RBPMS2: variants seen among roughly 807,000 people sequenced by gnomAD.
The protein encoded by RBPMS2 is RNA-binding protein with multiple splicing 2.
RBPMS2 carries 14 observed loss-of-function variants against 25.7 expected under a neutral mutation model. The observed-to-expected ratio is 0.55, with a 90% CI of 0.36 to 0.85. The LOEUF (loss-of-function observed/expected upper bound fraction) is 0.85. Ranked by LOEUF, RBPMS2 falls within the 40% of genes least tolerant of loss-of-function variation. The pLI, the probability that RBPMS2 is intolerant of heterozygous loss-of-function variation, is 0.01. For missense variants in RBPMS2, 252 were observed against 283.4 expected, an observed-to-expected ratio of 0.89 and a Z score of 0.80; for synonymous variants, 127 against 115.6, an observed-to-expected ratio of 1.10 and a Z score of -0.63.
chr15:64,741,043 C>G (rs1264468619), intron 7 of RBPMS2, 43 bp from the exon 8 acceptor site: 2 of 661,280 alleles, frequency 3.0e-6, no homozygotes, highest in Non-Finnish European at 5.3e-6. Context: ...AGGCGTGGGA[C>G]TAGAGCTAAA....
intron 1 of RBPMS2, among the ~76,000 whole-genome samples, chr15:64,765,937 G>A (rs1014860908): frequency 7.3e-5 from 11 of 151,252 alleles, no homozygotes; most frequent in Non-Finnish European, 1.6e-4. Flanking sequence ...AGGTTGCAGT[G>A]AGCTAAGACT....
At chr15:64,761,145 G>A (rs879650735) in intron 1 of RBPMS2, 2 of 151,862 alleles carry the variant, frequency 1.3e-5, no homozygotes, top group African/African-American at 2.4e-5. Context: ...TTCAAGTAAC[G>A]AATGCACGTG....
intron 1 of RBPMS2, among the ~76,000 whole-genome samples, chr15:64,771,423 C>T (rs111858590): frequency 6.6e-6 from 1 of 152,176 alleles, no homozygotes; most frequent in South Asian, 2.1e-4. Flanking sequence ...TGGCTCACGT[C>T]TGTAATCTCA....
At chr15:64,765,924 C>T (rs759562747) in intron 1 of RBPMS2, among the ~76,000 whole-genome samples, 9 of 151,342 alleles carry the variant, frequency 5.9e-5, no homozygotes, top group East Asian at 2.0e-4. Context: ...ACCTGGGAGG[C>T]GGAGGTTGCA....
At chr15:64,771,373 T>C (rs765392252) in intron 1 of RBPMS2, among the ~76,000 whole-genome samples, 4 of 152,208 alleles carry the variant, frequency 2.6e-5, no homozygotes, top group African/African-American at 4.8e-5. Flanking sequence ...AAGTCTCTTA[T>C]ATAAAATTTG....
intron 6 of RBPMS2, among the ~76,000 whole-genome samples, chr15:64,741,906 C>T (rs1414457578): frequency 6.6e-6 from 1 of 152,226 alleles, no homozygotes; most frequent in Non-Finnish European, 1.5e-5. Context: ...CGGCTCACGC[C>T]TGTAATCCCA....
At chr15:64,752,093 T>C (rs953747979) in intron 1 of RBPMS2, among the ~76,000 whole-genome samples, 1 of 151,704 alleles carries the variant, frequency 6.6e-6, no homozygotes, top group Non-Finnish European at 1.5e-5. Flanking sequence ...GCCTCCTGAG[T>C]AGCTGGGATT....
At chr15:64,773,421 T>C (rs576123907) in intron 1 of RBPMS2, among the ~76,000 whole-genome samples, 1 of 152,314 alleles carries the variant, frequency 6.6e-6, no homozygotes, top group South Asian at 2.1e-4. Context: ...GAGCCCACCA[T>C]GCCCTTTTCC....
At position 64,751,596 on chromosome 15, in the gene RBPMS2, G is replaced by A; in HGVS notation, c.130C>T (p.Pro44Ser). The change falls in exon 2 of 8, where the codon CCC becomes TCC. Residue 44 changes from proline to serine, a missense_variant. Physicochemically the swap from Pro to Ser is moderately conservative, Grantham distance 74 (BLOSUM62 -1). Coordinates refer to ENST00000300069, the MANE Select transcript of RBPMS2 (RefSeq NM_194272.3). ...CGGAAGAGCAAGTAGAGTTCTCTGG[G>A]TTTAATGTCCACAGGGAGGCCGCTG... ...FVSGLPVDIK[P>S]RELYLLFRPF... is the part of the protein sequence containing the mutation. 2.5e-6 allele frequency: 4 copies of A among 1,614,012 alleles called. No homozygotes were observed. Among genetic ancestry groups the A allele is most frequent in the Non-Finnish European group, 3.4e-6 (4 of 1,179,996 alleles).
chr15:64,743,671 A>C (rs1424016040), intron 6 of RBPMS2, among the ~76,000 whole-genome samples: 2 of 151,840 alleles, frequency 1.3e-5, no homozygotes, highest in Admixed American at 1.3e-4. Context: ...AGTACCCCCC[A>C]CAGGCTATAG....
chr15:64,771,060 T>A (rs1659894204), intron 1 of RBPMS2, among the ~76,000 whole-genome samples: 1 of 152,208 alleles, frequency 6.6e-6, no homozygotes, highest in African/African-American at 2.4e-5. Context: ...TAGCTTACCA[T>A]TAAGCTGGCA....
At chr15:64,746,785 T>C (rs1447896457) in intron 6 of RBPMS2, among the ~76,000 whole-genome samples, 2 of 152,200 alleles carry the variant, frequency 1.3e-5, no homozygotes, top group African/African-American at 4.8e-5. Context: ...CTCCACCTTA[T>C]CTGGTCTATC....
chr15:64,769,270 A>G (rs1195370946), intron 1 of RBPMS2, among the ~76,000 whole-genome samples: 2 of 151,174 alleles, frequency 1.3e-5, no homozygotes, highest in Non-Finnish European at 3.0e-5. Flanking sequence ...TACTAAAAAT[A>G]CAGAATTAGC....
chr15:64,745,197 C>T (rs978555547), intron 6 of RBPMS2, among the ~76,000 whole-genome samples: 13 of 152,120 alleles, frequency 8.5e-5, no homozygotes, highest in African/African-American at 3.1e-4. Context: ...TACACCTGCT[C>T]CAAACTACCT....
chr15:64,740,996 C>T lies in RBPMS2; in HGVS notation c.*12G>A. ...TTACCAGAACCACCTCCCCGGTGAC[C>T]AGACCTGGAGGGAGGGAGAGAGGCG... On this transcript the variant is annotated 3_prime_UTR_variant, in exon 8 of 8. Coordinates refer to ENST00000300069, the MANE Select transcript of RBPMS2 (RefSeq NM_194272.3). 1.8e-6 allele frequency: 1 copy of T among 548,672 alleles called. No individual in the cohort carries two copies. Among genetic ancestry groups the T allele is most frequent in the Non-Finnish European group, 3.3e-6 (1 of 306,712 alleles). 34.0% of individuals were successfully genotyped at this position (548,672 alleles called of 1,614,324 possible).
chr15:64,768,305 C>T lies in RBPMS2; in HGVS notation c.87+6928G>A, dbSNP rs562741705. Among the ~76,000 whole-genome samples, 40 of 152,200 alleles carry T rather than the reference C, an allele frequency of 2.6e-4. 3 individuals carry two copies. In the South Asian group the frequency reaches 7.0e-3, roughly 27 times the overall value. ...GGACAATCGTTTGAGGCCACAAGTTCGAGAGCAGCCTGGGCAGCAAAGCAG... is the reference window on the plus strand; with the variant it reads ...GGACAATCGTTTGAGGCCACAAGTTTGAGAGCAGCCTGGGCAGCAAAGCAG... On this transcript the variant is annotated intron_variant, in intron 1 of 7. Coordinates refer to ENST00000300069, the MANE Select transcript of RBPMS2 (RefSeq NM_194272.3).
At chr15:64,749,757 G>T (rs1272421418) in intron 3 of RBPMS2, among the ~76,000 whole-genome samples, 1 of 151,794 alleles carries the variant, frequency 6.6e-6, no homozygotes, top group East Asian at 1.9e-4. Context: ...TAATTCCACT[G>T]AATTAAACGT....
intron 1 of RBPMS2, among the ~76,000 whole-genome samples, chr15:64,772,815 C>A (rs1468151636): frequency 6.6e-6 from 1 of 152,124 alleles, no homozygotes; most frequent in South Asian, 2.1e-4. Context: ...CACTTCCTGG[C>A]AAGTCCTTCC....
intron 1 of RBPMS2, among the ~76,000 whole-genome samples, chr15:64,753,641 G>A (rs931890856): frequency 2.0e-5 from 3 of 152,052 alleles, no homozygotes; most frequent in Admixed American, 1.3e-4. Flanking sequence ...GTGAGCTTTT[G>A]CCAAGCCCAT....
Sources: gnomAD v4.1 joint callset for allele counts (sites outside exome capture counted in the v4.1 genomes callset) on GRCh38, gnomAD v4.1.1 for gene constraint, MANE v1.5 for transcripts, NCBI Gene and HGNC (gene_info 2026-07-23, HGNC 2026-07-21) for gene names.